The following ODAD1 variants were observed in gnomAD, a reference collection of about 807,000 sequenced individuals.
ODAD1 encodes the protein outer dynein arm-docking complex subunit 1.
In ODAD1, 49 loss-of-function variants were observed where a neutral mutation model predicts 67.2. That is an observed-to-expected ratio of 0.73 (90% CI 0.58 to 0.92). ODAD1 has a LOEUF of 0.92. Among genes scored for constraint, ODAD1 ranks in the 40% least tolerant of loss-of-function variants. The pLI is 0.00. For synonymous variants in ODAD1, 345 were observed against 393.7 expected, an observed-to-expected ratio of 0.88 and a Z score of 1.46; for missense variants, 897 against 953.7, an observed-to-expected ratio of 0.94 and a Z score of 0.78.
chr19:48,299,394 G>A (rs1600856981), intron 12 of ODAD1, among the ~76,000 whole-genome samples: 2 of 152,140 alleles, frequency 1.3e-5, no homozygotes, highest in East Asian at 1.9e-4. Context: ...CTGGCTGACA[G>A]CGTGAGATTC....
chr19:48,309,074 C>T (rs1968691677), intron 7 of ODAD1, among the ~76,000 whole-genome samples: 2 of 152,158 alleles, frequency 1.3e-5, no homozygotes, highest in South Asian at 4.1e-4. Context: ...CCCAGGAAAG[C>T]ACCACCGCAC....
chr19:48,310,473 G>A (rs560530870), intron 7 of ODAD1, among the ~76,000 whole-genome samples: 12 of 152,220 alleles, frequency 7.9e-5, no homozygotes, highest in East Asian at 7.7e-4. Flanking sequence ...ACATATGGAC[G>A]GTTTAGAATT....
chr19:48,298,139 A>G (rs1161936769), intron 13 of ODAD1, 38 bp downstream of exon 13: 4 of 1,611,912 alleles, frequency 2.5e-6, no homozygotes, highest in Non-Finnish European at 3.4e-6. Context: ...GCCACCCCCG[A>G]GACCGGCCTC....
chr19:48,306,420 G>A (rs1400934233), intron 7 of ODAD1, 97 bp from the exon 8 acceptor site: 1 of 1,038,136 alleles, frequency 9.6e-7, no homozygotes, highest in East Asian at 2.6e-5. Flanking sequence ...AAGGAGTAAA[G>A]CTCTTGAGCC....
At chr19:48,304,201 T>G in intron 8 of ODAD1, 61 bp from the exon 9 acceptor site, 6 of 1,431,552 alleles carry the variant, frequency 4.2e-6, no homozygotes, top group East Asian at 2.5e-5. Flanking sequence ...CCTGGGGTCC[T>G]GGGGATGGGC....
intron 3 of ODAD1, chr19:48,320,058 C>G: frequency 5.6e-6 from 6 of 1,063,088 alleles, no homozygotes; most frequent in Non-Finnish European, 6.9e-6. Context: ...CTTGGCAATT[C>G]CTACAGGGAG....
In ODAD1 at chr19:48,297,507, C is replaced by T. The variant is rs1184363371; in HGVS notation, c.1593G>A (p.Gln531=). ...TCTGGCGCTGCGCCTCCGCCTGCTC[C>T]TGGAGCTCCACCTGCAGGGAAGGTG... The part of the protein sequence containing the change: ...LSQVEKLVEL[Q]EQAEAQRQKD... Residue 531 remains glutamine (Q), a synonymous_variant, in exon 16 of 16, where the codon CAG becomes CAA. Coordinates refer to ENST00000674294, the MANE Select transcript of ODAD1 (RefSeq NM_001364171.2). 1 of 1,604,934 alleles carries T rather than the reference C, an allele frequency of 6.2e-7. No homozygotes were observed. The highest frequency in any genetic ancestry group is 8.5e-7 in the Non-Finnish European group (1 of 1,176,548).
intron 5 of ODAD1, among the ~76,000 whole-genome samples, chr19:48,318,022 G>A (rs913957777): frequency 6.6e-5 from 10 of 151,234 alleles, no homozygotes; most frequent in African/African-American, 1.7e-4. Flanking sequence ...GCAGTGAGCC[G>A]AGATTGTGCC....
intron 3 of ODAD1, 157 bp downstream of exon 3, chr19:48,320,142 C>T (rs957806236): frequency 1.1e-5 from 10 of 904,518 alleles, no homozygotes; most frequent in Non-Finnish European, 1.4e-5. Flanking sequence ...GCCCACCCAC[C>T]GTGGTGCCCG....
At chr19:48,304,630 A>G (rs932774277) in intron 8 of ODAD1, among the ~76,000 whole-genome samples, 6 of 151,910 alleles carry the variant, frequency 3.9e-5, no homozygotes, top group Admixed American at 1.3e-4. Context: ...AAAAAAAAAA[A>G]AGACAGAAGC....
chr19:48,317,210 GTA>G (rs35611945), intron 5 of ODAD1, among the ~76,000 whole-genome samples: 85 of 147,806 alleles, frequency 5.8e-4, no homozygotes, highest in Middle Eastern at 3.5e-3. Flanking sequence ...ATTAAAAAAT[GTA>G]TATATATATA....
At chr19:48,312,407 T>TTTTG (rs1569009551) in intron 5 of ODAD1, among the ~76,000 whole-genome samples, 1 of 126,444 alleles carries the variant, frequency 7.9e-6, no homozygotes, top group Non-Finnish European at 1.6e-5. Flanking sequence ...TCCGTTTTTT[T>TTTTG]TTTTGTTTTT....
chr19:48,306,236 AGGAT>A lies in ODAD1; in HGVS notation c.665+16_665+19del, dbSNP rs765299412. 1.3e-6 allele frequency: 2 copies of A among 1,551,416 alleles called. No homozygotes were observed. The highest frequency in any genetic ancestry group is 2.7e-5 in the African/African-American group (2 of 73,152). On this transcript the variant is annotated intron_variant, in intron 8 of 15. Coordinates refer to ENST00000674294, the MANE Select transcript of ODAD1 (RefSeq NM_001364171.2). Reference sequence around the variant, plus strand: ...TGAGTCATCTGGGTCCCGCCATCCCAGGATACCCGCAGTCTCTACCTGACGGCGT... The same window carrying A: ...TGAGTCATCTGGGTCCCGCCATCCCAACCCGCAGTCTCTACCTGACGGCGT...
chr19:48,320,377 A>G lies in ODAD1; in HGVS notation c.-9T>C. On this transcript the variant is annotated 5_prime_UTR_variant, in exon 3 of 16. Transcript: ENST00000674294. Reference sequence around the variant, plus strand: ...AAGCGTCCCAAAGGCATCCTGGCCAAACAGGGTGGGGCTCCTGTAGGGATG... The same window carrying G: ...AAGCGTCCCAAAGGCATCCTGGCCAGACAGGGTGGGGCTCCTGTAGGGATG... 3 of 1,288,156 alleles carry G rather than the reference A, an allele frequency of 2.3e-6. No homozygotes were observed. The highest frequency in any genetic ancestry group is 3.0e-6 in the Non-Finnish European group (3 of 987,890). 79.8% of individuals were successfully genotyped at this position (1,288,156 alleles called of 1,614,324 possible). A position where few individuals can be genotyped will look rare whatever the true frequency, so the allele number is the denominator to read the frequency against.
At position 48,297,557 on chromosome 19, in the gene ODAD1, G is replaced by A. The variant is rs371764573; in HGVS notation, c.1581+33C>T. ...GAACTGGGCCCCGACACACACTGAG[G>A]CCTGGCCCCACCCCCGCAGGCCCCA... On this transcript the variant is annotated intron_variant, in intron 15 of 15. Transcript: ENST00000674294. The A allele has an allele frequency of 1.1e-5, 18 of 1,592,332 alleles. No homozygotes were observed. The African/African-American group carries it at 2.3e-4, about 20-fold the overall frequency.
chr19:48,318,126 G>C (rs111698104), intron 5 of ODAD1, among the ~76,000 whole-genome samples: 2 of 152,208 alleles, frequency 1.3e-5, no homozygotes, highest in African/African-American at 4.8e-5. Context: ...CGAGTAGCTG[G>C]GATTACAGGC....
chr19:48,315,528 A>C (rs145034087), intron 5 of ODAD1, among the ~76,000 whole-genome samples: 2,315 of 152,304 alleles, frequency 0.015, 48 homozygotes, highest in African/African-American at 0.052. Context: ...TGGGTGACAG[A>C]GCGAGACTCC....
Position 48,312,214 on chromosome 19 carries a change from C to G in ODAD1, c.361-98G>C, listed in dbSNP as rs1314572941. On this transcript the variant is annotated intron_variant, in intron 5 of 15. Transcript: ENST00000674294. ...AGTCACTAAGCATGGCAAACATCTG[C>G]TGTCCCTGTCACCCCAGAATAACAT... 4 of 847,830 alleles carry G rather than the reference C, an allele frequency of 4.7e-6. No homozygotes were observed. In the African/African-American group the frequency reaches 6.7e-5, roughly 14 times the overall value. The allele number at this position is 847,830 out of a possible 1,614,324, so 52.5% of individuals were successfully genotyped here. A position where few individuals can be genotyped will look rare whatever the true frequency, so the allele number is the denominator to read the frequency against.
In ODAD1 at chr19:48,300,922, C is replaced by T. The variant is rs145903879; in HGVS notation, c.1240+1772G>A. ...CGGGCAGATCACGAGGTCAAGAGAT[C>T]GAGACCATCCTAGCCAACGTGATGA... is the stretch of plus-strand genomic sequence containing the variant. On this transcript the variant is annotated intron_variant, in intron 12 of 15. Coordinates refer to ENST00000674294, the MANE Select transcript of ODAD1 (RefSeq NM_001364171.2). 9.2e-3 allele frequency: 1,404 copies of T among 152,298 alleles called. 19 individuals are homozygous for T. The highest frequency in any genetic ancestry group is 0.032 in the African/African-American group (1,347 of 41,544). The allele number at this position is 152,298 out of a possible 1,614,324, so 9.4% of individuals were successfully genotyped here. A position where few individuals can be genotyped will look rare whatever the true frequency, so the allele number is the denominator to read the frequency against.
Sources: allele counts gnomAD v4.1 joint callset (sites outside exome capture counted in the v4.1 genomes callset), GRCh38; gene constraint gnomAD v4.1.1; transcripts MANE v1.5; gene names NCBI Gene and HGNC (gene_info 2026-07-23, HGNC 2026-07-21).